SMYD3: variants seen among roughly 807,000 people sequenced by gnomAD.
SMYD3 encodes SET and MYND domain containing 3.
A neutral mutation model predicts 57.7 loss-of-function variants in SMYD3; 36 were observed. The ratio of observed to expected loss-of-function variants is 0.62; its 90% confidence interval spans 0.48 to 0.82. SMYD3 has a LOEUF of 0.82. Ranked by LOEUF, SMYD3 falls within the 40% of genes least tolerant of loss-of-function variation. The pLI, the probability that SMYD3 is intolerant of heterozygous loss-of-function variation, is 0.00. For missense variants in SMYD3, 515 were observed against 538.8 expected, an observed-to-expected ratio of 0.96 and a Z score of 0.44; for synonymous variants, 211 against 195.0, an observed-to-expected ratio of 1.08 and a Z score of -0.68.
chr1:246,015,196 C>T (rs1485756870), intron 5 of SMYD3, among the ~76,000 whole-genome samples: 1 of 152,200 alleles, frequency 6.6e-6, no homozygotes, highest in African/African-American at 2.4e-5. Flanking sequence ...GTGACTCTCC[C>T]TCATGCACAT....
chr1:245,786,206 G>A (rs1253984668), intron 10 of SMYD3, among the ~76,000 whole-genome samples: 1 of 105,478 alleles, frequency 9.5e-6, no homozygotes, highest in Non-Finnish European at 1.8e-5. Flanking sequence ...TTGAGTTGGG[G>A]TGTGGACGGG....
chr1:246,025,353 G>A (rs2059557007), intron 5 of SMYD3, among the ~76,000 whole-genome samples: 1 of 152,092 alleles, frequency 6.6e-6, no homozygotes, highest in Non-Finnish European at 1.5e-5. Context: ...ATCTAATTCA[G>A]AAGAAAAGAA....
At chr1:245,833,182 C>T (rs543271325) in intron 10 of SMYD3, among the ~76,000 whole-genome samples, 16 of 152,004 alleles carry the variant, frequency 1.1e-4, no homozygotes, top group African/African-American at 3.9e-4. Context: ...TCCTATACAC[C>T]CTTTACCCAG....
intron 1 of SMYD3, among the ~76,000 whole-genome samples, chr1:246,415,974 T>C (rs1241737172): frequency 6.6e-6 from 1 of 152,202 alleles, no homozygotes. Flanking sequence ...TACACTAGAC[T>C]GGAAGTTCTT....
intron 1 of SMYD3, among the ~76,000 whole-genome samples, chr1:246,449,679 A>G (rs2067602032): frequency 6.6e-6 from 1 of 152,206 alleles, no homozygotes; most frequent in Admixed American, 6.5e-5. Context: ...GAAGGGAACA[A>G]TAAGCACCCA....
intron 5 of SMYD3, among the ~76,000 whole-genome samples, chr1:246,223,083 G>C (rs774815390): frequency 6.6e-6 from 1 of 152,100 alleles, no homozygotes; most frequent in African/African-American, 2.4e-5. Flanking sequence ...CTTCCTGAAG[G>C]TTCCAGCAAA....
intron 5 of SMYD3, among the ~76,000 whole-genome samples, chr1:246,268,871 C>G (rs1392261898): frequency 1.3e-5 from 2 of 152,080 alleles, no homozygotes; most frequent in East Asian, 3.8e-4. Context: ...AATTCTTTCT[C>G]GCGCCAGATC....
At chr1:245,912,608 C>G (rs1311774191) in intron 8 of SMYD3, among the ~76,000 whole-genome samples, 2 of 151,900 alleles carry the variant, frequency 1.3e-5, no homozygotes, top group African/African-American at 4.8e-5. Context: ...TCAAAATATC[C>G]CACAAAGTTA....
intron 1 of SMYD3, among the ~76,000 whole-genome samples, chr1:246,407,135 G>T (rs1010530023): frequency 7.5e-6 from 1 of 133,612 alleles, no homozygotes; most frequent in Non-Finnish European, 1.6e-5. Context: ...GGAGACAAAG[G>T]TGCTTATATC....
At chr1:246,116,563 A>G (rs2061344933) in intron 5 of SMYD3, among the ~76,000 whole-genome samples, 1 of 152,214 alleles carries the variant, frequency 6.6e-6, no homozygotes, top group Non-Finnish European at 1.5e-5. Context: ...CTTGTCCATT[A>G]TCTTAAACAT....
At chr1:245,894,628 T>C (rs1391767925) in intron 8 of SMYD3, among the ~76,000 whole-genome samples, 2 of 152,084 alleles carry the variant, frequency 1.3e-5, no homozygotes, top group Non-Finnish European at 2.9e-5. Flanking sequence ...CCCCATAAGC[T>C]TTAGCAGGTA....
chr1:245,803,949 T>G (rs2048006764), intron 10 of SMYD3, among the ~76,000 whole-genome samples: 1 of 150,604 alleles, frequency 6.6e-6, no homozygotes, highest in East Asian at 2.0e-4. Context: ...AGTCTCTCTC[T>G]GTCGCCCAGG....
In SMYD3 at chr1:245,905,708, C is replaced by T. The variant is rs1229561577; in HGVS notation, c.813+9822G>A. Among the ~76,000 whole-genome samples, 5 of 152,328 alleles carry T rather than the reference C, an allele frequency of 3.3e-5. No individual in the cohort carries two copies. The East Asian group carries it at 9.7e-4, about 29-fold the overall frequency. On this transcript the variant is annotated intron_variant, in intron 8 of 11. Transcript: ENST00000490107. Reference sequence around the variant, plus strand: ...CCTGCTGATTGTAGAGCCCCAGACCCTTGAGCAAACACAGTCAGCAGCCAG... The same window carrying T: ...CCTGCTGATTGTAGAGCCCCAGACCTTTGAGCAAACACAGTCAGCAGCCAG...
chr1:246,472,232 A>G (rs1430778718), intron 1 of SMYD3, among the ~76,000 whole-genome samples: 1 of 152,156 alleles, frequency 6.6e-6, no homozygotes, highest in Non-Finnish European at 1.5e-5. Context: ...TATGATCATC[A>G]GAGGCTTTTG....
chr1:246,109,599 A>G (rs1384057732), intron 5 of SMYD3, among the ~76,000 whole-genome samples: 2 of 152,368 alleles, frequency 1.3e-5, no homozygotes, highest in African/African-American at 4.8e-5. Flanking sequence ...CTTCCAAGAA[A>G]GCCATTAACC....
intron 5 of SMYD3, among the ~76,000 whole-genome samples, chr1:246,134,754 C>T (rs1293244705): frequency 6.6e-6 from 1 of 151,510 alleles, no homozygotes; most frequent in Non-Finnish European, 1.5e-5. Context: ...TTTCCATTTG[C>T]ATCTACACCT....
At chr1:245,957,684 A>G (rs1377235990) in intron 5 of SMYD3, among the ~76,000 whole-genome samples, 1 of 152,180 alleles carries the variant, frequency 6.6e-6, no homozygotes, top group Non-Finnish European at 1.5e-5. Flanking sequence ...TCATATCAGT[A>G]CTGTTTCCTC....
chr1:246,438,771 GATCATCCA>G (rs200923455), intron 1 of SMYD3, among the ~76,000 whole-genome samples: 4,625 of 151,584 alleles, frequency 0.031, 103 homozygotes, highest in Non-Finnish European at 0.043. Context: ...GAAACCATCA[GATCATCCA>G]ATCATCCGAT....
intron 1 of SMYD3, among the ~76,000 whole-genome samples, chr1:246,479,729 A>T (rs2068078002): frequency 6.6e-6 from 1 of 151,702 alleles, no homozygotes; most frequent in African/African-American, 2.4e-5. Flanking sequence ...GCTGGTCGTG[A>T]ACTCCTGGGC....
Sources: allele counts gnomAD v4.1 joint callset (sites outside exome capture counted in the v4.1 genomes callset), GRCh38; gene constraint gnomAD v4.1.1; transcripts MANE v1.5; gene names NCBI Gene and HGNC (gene_info 2026-07-23, HGNC 2026-07-21).